The following SLC44A1 variants were observed in gnomAD, a reference collection of about 807,000 sequenced individuals.
SLC44A1 encodes the protein solute carrier family 44 member 1.
SLC44A1 carries 26 observed loss-of-function variants against 79.3 expected under a neutral mutation model. That is an observed-to-expected ratio of 0.33 (90% CI 0.24 to 0.46). The LOEUF is 0.46. Ranked by LOEUF, SLC44A1 falls within the 20% of genes least tolerant of loss-of-function variation. The pLI is 1.00. For missense variants in SLC44A1, 688 were observed against 798.1 expected, an observed-to-expected ratio of 0.86 and a Z score of 1.66; for synonymous variants, 263 against 286.2, an observed-to-expected ratio of 0.92 and a Z score of 0.82.
intron 3 of SLC44A1, among the ~76,000 whole-genome samples, chr9:105,316,602 A>G (rs1180982336): frequency 6.6e-6 from 1 of 152,238 alleles, no homozygotes; most frequent in African/African-American, 2.4e-5. Context: ...GGATAAAAAG[A>G]CATCTGTAGT....
At chr9:105,398,235 G>A (rs973167245), downstream of SLC44A1, among the ~76,000 whole-genome samples, 1 of 152,186 alleles carries the variant, frequency 6.6e-6, no homozygotes, top group Admixed American at 6.5e-5. Flanking sequence ...TTGGAATACC[G>A]TAAACCTCTC....
At chr9:105,262,767 T>C (rs1829871259) in intron 1 of SLC44A1, among the ~76,000 whole-genome samples, 1 of 152,188 alleles carries the variant, frequency 6.6e-6, no homozygotes, top group Admixed American at 6.5e-5. Flanking sequence ...GACACCCAAG[T>C]ATTCAATTTG....
At chr9:105,271,219 C>A (rs1665250831) in intron 1 of SLC44A1, among the ~76,000 whole-genome samples, 1 of 152,174 alleles carries the variant, frequency 6.6e-6, no homozygotes, top group South Asian at 2.1e-4. Context: ...TCTTGGATTC[C>A]TGCTGTCAGA....
rs185771567 is a variant in SLC44A1 at position 105,390,649 on chromosome 9, T to A, written c.*1593T>A. 2.0e-6 allele frequency: 2 copies of A among 985,728 alleles called. No individual in the cohort carries two copies. The highest frequency in any genetic ancestry group is 2.3e-4 in the East Asian group (2 of 8,814). 61.1% of individuals were successfully genotyped at this position (985,728 alleles called of 1,614,324 possible). A position where few individuals can be genotyped will look rare whatever the true frequency, so the allele number is the denominator to read the frequency against. On this transcript the variant is annotated 3_prime_UTR_variant, in exon 16 of 16. Coordinates refer to ENST00000374720, the MANE Select transcript of SLC44A1 (RefSeq NM_080546.5). ...TTAAATTGCTGCAAAAGGTAAATTG[T>A]ATTTTTTTTTAAGTATTGGTGTTCT... is the stretch of plus-strand genomic sequence containing the variant.
At chr9:105,350,724 A>C (rs1827379095) in intron 5 of SLC44A1, among the ~76,000 whole-genome samples, 1 of 152,024 alleles carries the variant, frequency 6.6e-6, no homozygotes, top group South Asian at 2.1e-4. Flanking sequence ...GAATAGTCAT[A>C]CTCCCCTCAA....
intron 2 of SLC44A1, chr9:105,299,805 C>G (rs10991609): frequency 0.017 from 16,677 of 986,272 alleles, 163 homozygotes; most frequent in Middle Eastern, 0.06. Flanking sequence ...ATGAAGGGAC[C>G]TGGTGGTTTT....
chr9:105,315,672 A>G (rs967506241), intron 3 of SLC44A1, among the ~76,000 whole-genome samples: 7 of 152,202 alleles, frequency 4.6e-5, no homozygotes, highest in Non-Finnish European at 1.0e-4. Context: ...AGCATGTAAA[A>G]CATGCCTCTT....
At chr9:105,276,928 A>G (rs1195509515) in intron 1 of SLC44A1, among the ~76,000 whole-genome samples, 1 of 152,214 alleles carries the variant, frequency 6.6e-6, no homozygotes, top group Non-Finnish European at 1.5e-5. Flanking sequence ...CAGAGGAGTA[A>G]TAAGATCTGG....
rs67880348 is a variant in SLC44A1 at position 105,384,184 on chromosome 9, A to AT, written c.1869+838dup. On this transcript the variant is annotated intron_variant, in intron 14 of 15. Transcript: ENST00000374720. ...ATAAGTGTATTAATAAATAAGCTAG[A>AT]TTTTTTTTTTTTTCTTTTTGAGACG... is the stretch of plus-strand genomic sequence containing the variant. Among the ~76,000 whole-genome samples the AT allele has an allele frequency of 5.3e-3, 783 of 146,886 alleles. 2 individuals are homozygous for AT. The highest frequency in any genetic ancestry group is 0.017 in the South Asian group (81 of 4,632).
At chr9:105,373,149 A>AT (rs1828165640) in intron 12 of SLC44A1, among the ~76,000 whole-genome samples, 1 of 152,180 alleles carries the variant, frequency 6.6e-6, no homozygotes, top group Non-Finnish European at 1.5e-5. Flanking sequence ...ATTGTAGACT[A>AT]TCTCTCCTGG....
At chr9:105,331,050 C>G (rs1044199727) in intron 3 of SLC44A1, among the ~76,000 whole-genome samples, 2 of 152,158 alleles carry the variant, frequency 1.3e-5, no homozygotes, top group African/African-American at 4.8e-5. Context: ...TCTGTTACTG[C>G]TTCTTGTCTT....
rs1828751102 is a variant in SLC44A1, at chr9:105,391,012, C to T, written c.*1956C>T. 3.0e-6 allele frequency: 3 copies of T among 984,980 alleles called. No individual in the cohort carries two copies. The highest frequency in any genetic ancestry group is 9.4e-5 in the South Asian group (2 of 21,276). 61.0% of individuals were successfully genotyped at this position (984,980 alleles called of 1,614,324 possible). A position where few individuals can be genotyped will look rare whatever the true frequency, so the allele number is the denominator to read the frequency against. On this transcript the variant is annotated 3_prime_UTR_variant, in exon 16 of 16. Coordinates refer to ENST00000374720, the MANE Select transcript of SLC44A1 (RefSeq NM_080546.5). Reference sequence around the variant, plus strand: ...AATCATGTGAGAAAATTCAGAATACCATCTGTTTCATAGCCGCACAGATTT... The same window carrying T: ...AATCATGTGAGAAAATTCAGAATACTATCTGTTTCATAGCCGCACAGATTT...
At chr9:105,297,633 C>T (rs555505516) in intron 1 of SLC44A1, among the ~76,000 whole-genome samples, 3 of 152,248 alleles carry the variant, frequency 2.0e-5, no homozygotes, top group South Asian at 4.1e-4. Context: ...TCGCCCGCCT[C>T]GGCAACCCAA....
At chr9:105,387,939 G>T (rs574205629) in intron 15 of SLC44A1, among the ~76,000 whole-genome samples, 1 of 152,224 alleles carries the variant, frequency 6.6e-6, no homozygotes, top group Admixed American at 6.5e-5. Flanking sequence ...TTTCAGTTTT[G>T]AAATAGTGTC....
intron 3 of SLC44A1, among the ~76,000 whole-genome samples, chr9:105,314,380 C>G (rs866065393): frequency 2.0e-5 from 3 of 152,172 alleles, no homozygotes; most frequent in African/African-American, 7.2e-5. Context: ...AGGAACTGCT[C>G]TTAATCTTTT....
rs528501778 is a variant in SLC44A1, at chr9:105,427,084, C to T, written c.1951-11197C>T. Among the ~76,000 whole-genome samples, 55 of 152,100 alleles carry T rather than the reference C, an allele frequency of 3.6e-4. 1 individual carries two copies. Among genetic ancestry groups the T allele is most frequent in the African/African-American group, 1.3e-3 (54 of 41,498 alleles). On this transcript the variant is annotated intron_variant, in intron 15 of 15. Coordinates refer to the SLC44A1 transcript ENST00000374724. The stretch of plus-strand genomic sequence containing the variant: ...TGGAGTAGCTGGGACTACAGGCCCA[C>T]CGCGCTCAGCTAATTTTTTGTATTT...
At chr9:105,266,783 T>C (rs1272909184) in intron 1 of SLC44A1, among the ~76,000 whole-genome samples, 1 of 152,230 alleles carries the variant, frequency 6.6e-6, no homozygotes, top group Non-Finnish European at 1.5e-5. Flanking sequence ...ATTTTGACTA[T>C]TATAGTTCTT....
intron 15 of SLC44A1, among the ~76,000 whole-genome samples, chr9:105,402,975 CTTTTTTTTTTT>C (rs780060821): frequency 4.5e-5 from 3 of 66,378 alleles, no homozygotes; most frequent in Admixed American, 2.0e-4. Context: ...TCACACCCAG[CTTTTTTTTTTT>C]TTTTTTTTTT....
At position 105,395,342 on chromosome 9, in the gene SLC44A1, C is replaced by A; in HGVS notation, c.*6286C>A. 2.6e-6 allele frequency: 1 copy of A among 380,326 alleles called. No individual in the cohort carries two copies. The highest frequency in any genetic ancestry group is 3.6e-6 in the Non-Finnish European group (1 of 276,910). 23.6% of individuals were successfully genotyped at this position (380,326 alleles called of 1,614,324 possible). ...CAAGTGATTCTCCTGCATCAGCCTC[C>A]TGAGTAGCTGGGACCACAGGCATGT... On this transcript the variant is annotated 3_prime_UTR_variant, in exon 16 of 16. Coordinates refer to ENST00000374720, the MANE Select transcript of SLC44A1 (RefSeq NM_080546.5).
Sources: allele counts gnomAD v4.1 joint callset (sites outside exome capture counted in the v4.1 genomes callset), GRCh38; gene constraint gnomAD v4.1.1; transcripts MANE v1.5; gene names NCBI Gene and HGNC (gene_info 2026-07-23, HGNC 2026-07-21).